The following PXDNL variants were observed in gnomAD, a reference collection of about 807,000 sequenced individuals.
PXDNL encodes probable oxidoreductase PXDNL.
Under a neutral mutation model 150.8 loss-of-function variants are expected in PXDNL, and 145 were observed. The ratio of observed to expected loss-of-function variants is 0.96; its 90% confidence interval spans 0.84 to 1.10. The LOEUF (loss-of-function observed/expected upper bound fraction) is 1.10. PXDNL is among the 50% of genes least tolerant of loss of function. The pLI is 0.00. For missense variants in PXDNL, 2,087 were observed against 1,873.9 expected (o/e 1.11, Z -2.10); for synonymous variants, 757 against 725.7 (o/e 1.04, Z -0.69).
At chr8:51,390,964 CA>C (rs1807885014) in intron 17 of PXDNL, among the ~76,000 whole-genome samples, 1 of 151,982 alleles carries the variant, frequency 6.6e-6, no homozygotes, top group Non-Finnish European at 1.5e-5. Context: ...TCTCACTGTT[CA>C]ATTCCCACCT....
intron 4 of PXDNL, among the ~76,000 whole-genome samples, chr8:51,523,291 T>C (rs2979119): frequency 0.47 from 71,002 of 152,040 alleles, 18,402 homozygotes; most frequent in African/African-American, 0.71. Context: ...TTTTCCACTT[T>C]TATTATTTAC....
At chr8:51,789,862 T>C (rs80342631) in intron 1 of PXDNL, among the ~76,000 whole-genome samples, 9,413 of 152,282 alleles carry the variant, frequency 0.062, 382 homozygotes, top group Non-Finnish European at 0.088. Flanking sequence ...TACTTATCTT[T>C]AGACTCAATC....
chr8:51,377,948 C>G (rs12550699), intron 17 of PXDNL, among the ~76,000 whole-genome samples: 1 of 152,152 alleles, frequency 6.6e-6, no homozygotes, highest in Admixed American at 6.5e-5. Flanking sequence ...CCTGCAGCCC[C>G]GTGCGGTATC....
chr8:51,745,692 C>T (rs2036976154), intron 1 of PXDNL, among the ~76,000 whole-genome samples: 1 of 152,136 alleles, frequency 6.6e-6, no homozygotes, highest in Non-Finnish European at 1.5e-5. Flanking sequence ...GCACAGGCAC[C>T]CTGAGGTCAA....
At position 51,615,608 on chromosome 8, in the gene PXDNL, C is replaced by A. The variant is rs529108621; in HGVS notation, c.237-22910G>T. 2.6e-5 allele frequency among the ~76,000 whole-genome samples: 4 copies of A among 152,186 alleles called. No homozygotes were observed. The South Asian group carries it at 8.3e-4, about 32-fold the overall frequency. On this transcript the variant is annotated intron_variant, in intron 2 of 22. Coordinates refer to ENST00000356297, the MANE Select transcript of PXDNL (RefSeq NM_144651.5). Reference sequence around the variant, plus strand: ...CTATATGAGGGATTGCACCTAGAAACAAGAATTTAGTTTGAGAGTTAATTT... The same window carrying A: ...CTATATGAGGGATTGCACCTAGAAAAAAGAATTTAGTTTGAGAGTTAATTT...
intron 1 of PXDNL, among the ~76,000 whole-genome samples, chr8:51,807,255 C>T (rs778353321): frequency 2.0e-5 from 3 of 152,080 alleles, no homozygotes; most frequent in Non-Finnish European, 2.9e-5. Context: ...TTACAATCAT[C>T]GCAGAAGGCA....
intron 1 of PXDNL, among the ~76,000 whole-genome samples, chr8:51,786,836 T>C (rs562244662): frequency 6.6e-5 from 10 of 152,298 alleles, no homozygotes; most frequent in African/African-American, 2.2e-4. Flanking sequence ...TCTAAGACTT[T>C]TGTAGCAAGA....
chr8:51,333,777 A>C (rs1805760853), intron 21 of PXDNL, among the ~76,000 whole-genome samples: 1 of 152,196 alleles, frequency 6.6e-6, no homozygotes, highest in Non-Finnish European at 1.5e-5. Context: ...TCACAATCCT[A>C]AACATATATG....
At chr8:51,404,556 G>A (rs1401516270) in intron 17 of PXDNL, among the ~76,000 whole-genome samples, 1 of 143,410 alleles carries the variant, frequency 7.0e-6, no homozygotes, top group Non-Finnish European at 1.5e-5. Context: ...TAGACATAAA[G>A]GTTCTCCAAG....
intron 19 of PXDNL, among the ~76,000 whole-genome samples, chr8:51,358,817 G>A (rs1022684680): frequency 4.6e-5 from 7 of 152,192 alleles, no homozygotes; most frequent in African/African-American, 1.7e-4. Flanking sequence ...AGAGGCCACA[G>A]TGTGCTTGAG....
chr8:51,712,314 C>T (rs759280076), intron 1 of PXDNL, among the ~76,000 whole-genome samples: 1 of 152,112 alleles, frequency 6.6e-6, no homozygotes, highest in Non-Finnish European at 1.5e-5. Flanking sequence ...ACCTATGGTA[C>T]TACTGGGCTG....
At chr8:51,558,231 G>A (rs1020403391) in intron 3 of PXDNL, among the ~76,000 whole-genome samples, 5 of 152,014 alleles carry the variant, frequency 3.3e-5, no homozygotes, top group Non-Finnish European at 7.4e-5. Flanking sequence ...TAATGTCTGG[G>A]TCCCTGCCTC....
At chr8:51,495,587 A>T (rs1563438075) in intron 5 of PXDNL, among the ~76,000 whole-genome samples, 1 of 152,190 alleles carries the variant, frequency 6.6e-6, no homozygotes, top group African/African-American at 2.4e-5. Context: ...ATAAAAAATG[A>T]TAAAGGGGAT....
intron 20 of PXDNL, among the ~76,000 whole-genome samples, chr8:51,341,406 C>G (rs1234411177): frequency 1.3e-5 from 2 of 151,930 alleles, no homozygotes; most frequent in Non-Finnish European, 2.9e-5. Context: ...CAAAAATTTC[C>G]TTATTTTTTT....
chr8:51,664,830 C>T (rs1431495117), intron 1 of PXDNL, among the ~76,000 whole-genome samples: 4 of 152,256 alleles, frequency 2.6e-5, no homozygotes, highest in Middle Eastern at 3.4e-3. Context: ...CACACCCTGG[C>T]CTCCCCCAGC....
intron 2 of PXDNL, among the ~76,000 whole-genome samples, chr8:51,633,501 C>A (rs566779945): frequency 6.6e-6 from 1 of 152,142 alleles, no homozygotes; most frequent in African/African-American, 2.4e-5. Context: ...AATTTACATT[C>A]CCACCAACAG....
intron 3 of PXDNL, among the ~76,000 whole-genome samples, chr8:51,582,936 T>C (rs1461567232): frequency 6.6e-6 from 1 of 152,106 alleles, no homozygotes; most frequent in Non-Finnish European, 1.5e-5. Flanking sequence ...AATTGCAGAA[T>C]AGGATAGTTA....
intron 1 of PXDNL, among the ~76,000 whole-genome samples, chr8:51,784,448 G>T (rs1372392030): frequency 6.6e-6 from 1 of 152,104 alleles, no homozygotes; most frequent in African/African-American, 2.4e-5. Flanking sequence ...TTTCATATCT[G>T]CCATAAAGGC....
At chr8:51,432,281 G>T (rs1809267636) in intron 12 of PXDNL, among the ~76,000 whole-genome samples, 4 of 152,106 alleles carry the variant, frequency 2.6e-5, no homozygotes, top group Admixed American at 2.6e-4. Flanking sequence ...CGGGTTTTTT[G>T]TCTCTTTGGT....
Sources: gnomAD v4.1 joint callset for allele counts (sites outside exome capture counted in the v4.1 genomes callset) on GRCh38, gnomAD v4.1.1 for gene constraint, MANE v1.5 for transcripts, NCBI Gene and HGNC (gene_info 2026-07-23, HGNC 2026-07-21) for gene names.